The following ADGRL2 variants were observed in gnomAD, a reference collection of about 807,000 sequenced individuals.
ADGRL2 encodes the protein adhesion G protein-coupled receptor L2, also known as calcium-independent alpha-latrotoxin receptor 2.
ADGRL2 carries 44 observed loss-of-function variants against 157.4 expected under a neutral mutation model. That is an observed-to-expected ratio of 0.28 (90% CI 0.22 to 0.36). The LOEUF (loss-of-function observed/expected upper bound fraction) is 0.36. Ranked by LOEUF, ADGRL2 falls within the 10% of genes least tolerant of loss-of-function variation. The pLI, the probability that ADGRL2 is intolerant of heterozygous loss-of-function variation, is 1.00. For missense variants in ADGRL2, 1,510 were observed against 1,768.9 expected, an observed-to-expected ratio of 0.85 and a Z score of 2.63; for synonymous variants, 585 against 624.7, an observed-to-expected ratio of 0.94 and a Z score of 0.95.
intron 2 of ADGRL2, among the ~76,000 whole-genome samples, chr1:81,904,246 CAT>C (rs749780808): frequency 1.2e-4 from 19 of 152,064 alleles, no homozygotes; most frequent in South Asian, 2.1e-4. Flanking sequence ...CACTGTATCA[CAT>C]GTTAATAAGC....
chr1:81,977,608 G>A lies in ADGRL2; in HGVS notation c.3022-2261G>A, dbSNP rs370138033. 3.2e-4 allele frequency among the ~76,000 whole-genome samples: 48 copies of A among 151,708 alleles called. 2 individuals carry two copies. Among genetic ancestry groups the A allele is most frequent in the East Asian group, 2.7e-3 (14 of 5,152 alleles). On this transcript the variant is annotated intron_variant, in intron 17 of 23. Coordinates refer to ENST00000686636, the MANE Select transcript of ADGRL2 (RefSeq NM_001366006.2). Reference sequence around the variant, plus strand: ...CTTTTTGCAATATAATACTTTATATGTTCACATTTTTCCACATTCACATTT... The same window carrying A: ...CTTTTTGCAATATAATACTTTATATATTCACATTTTTCCACATTCACATTT...
chr1:81,653,728 T>C (rs568524574), intron 3 of ADGRL2, among the ~76,000 whole-genome samples: 2 of 152,344 alleles, frequency 1.3e-5, no homozygotes, highest in South Asian at 2.1e-4. Context: ...GTGTGCATGC[T>C]TGAAATATTT....
chr1:81,569,246 G>A (rs1285286797), intron 2 of ADGRL2, among the ~76,000 whole-genome samples: 1 of 152,022 alleles, frequency 6.6e-6, no homozygotes, highest in Non-Finnish European at 1.5e-5. Flanking sequence ...CTGTGAGACA[G>A]AGAGAATTTT....
chr1:81,774,012 C>A (rs2149355889), intron 2 of ADGRL2, among the ~76,000 whole-genome samples: 1 of 152,274 alleles, frequency 6.6e-6, no homozygotes, highest in East Asian at 1.9e-4. Context: ...CATCTACAAG[C>A]CAAGGAGAGA....
chr1:81,715,183 T>A (rs2149096471), intron 1 of ADGRL2, among the ~76,000 whole-genome samples: 1 of 148,908 alleles, frequency 6.7e-6, no homozygotes, highest in South Asian at 2.1e-4. Context: ...TAGTAAATTT[T>A]TTTTTTTTTT....
intron 3 of ADGRL2, among the ~76,000 whole-genome samples, chr1:81,660,104 G>A (rs2082621934): frequency 6.6e-6 from 1 of 152,040 alleles, no homozygotes; most frequent in South Asian, 2.1e-4. Flanking sequence ...TAATGAACTG[G>A]GTGTATTCTA....
chr1:81,484,544 G>T (rs2078459080), intron 2 of ADGRL2, among the ~76,000 whole-genome samples: 1 of 152,204 alleles, frequency 6.6e-6, no homozygotes, highest in Admixed American at 6.5e-5. Flanking sequence ...ACCAGTAGCA[G>T]AAAGGGCCAC....
intron 1 of ADGRL2, among the ~76,000 whole-genome samples, chr1:81,817,152 C>CT (rs1444993206): frequency 6.6e-6 from 1 of 151,768 alleles, no homozygotes; most frequent in East Asian, 1.9e-4. Context: ...TTCTGTATGT[C>CT]TAAGTATTTT....
intron 1 of ADGRL2, among the ~76,000 whole-genome samples, chr1:81,710,952 A>T (rs2083907521): frequency 1.3e-5 from 2 of 152,110 alleles, no homozygotes; most frequent in Admixed American, 1.3e-4. Flanking sequence ...TACATTTTGG[A>T]TAGATCTTTA....
intron 1 of ADGRL2, among the ~76,000 whole-genome samples, chr1:81,329,732 T>A (rs1008618210): frequency 3.3e-5 from 5 of 152,208 alleles, no homozygotes; most frequent in African/African-American, 4.8e-5. Context: ...TTTTCACTTG[T>A]GAAACTTTGA....
chr1:81,685,349 G>A (rs373181709), intron 3 of ADGRL2, among the ~76,000 whole-genome samples: 11 of 151,546 alleles, frequency 7.3e-5, no homozygotes, highest in South Asian at 6.3e-4. Flanking sequence ...GAGGTCTTTC[G>A]ACTCCTTTGT....
intron 1 of ADGRL2, among the ~76,000 whole-genome samples, chr1:81,827,203 T>C (rs2091565684): frequency 6.6e-6 from 1 of 152,210 alleles, no homozygotes; most frequent in African/African-American, 2.4e-5. Context: ...TTTAGCATTA[T>C]ACAAGAAACT....
At chr1:81,428,326 T>C (rs1026235288) in intron 1 of ADGRL2, among the ~76,000 whole-genome samples, 5 of 147,984 alleles carry the variant, frequency 3.4e-5, no homozygotes, top group Admixed American at 2.7e-4. Flanking sequence ...AAAAAAAATA[T>C]CTCAAAATTA....
chr1:81,365,624 C>A (rs1557631027), intron 1 of ADGRL2, among the ~76,000 whole-genome samples: 2 of 152,136 alleles, frequency 1.3e-5, no homozygotes, highest in Non-Finnish European at 1.5e-5. Flanking sequence ...CACTGATTTA[C>A]CTAATAATAT....
intron 3 of ADGRL2, among the ~76,000 whole-genome samples, chr1:81,923,584 A>G (rs1209940914): frequency 1.3e-5 from 2 of 151,994 alleles, no homozygotes; most frequent in African/African-American, 2.4e-5. Flanking sequence ...ATAGTTTGGT[A>G]AACATCTACA....
rs763939767 is a variant in ADGRL2 at position 81,984,832 on chromosome 1, C to CT, written c.3411+127dup. ...TAATGATCTAGATAGCAAATACTTG[C>CT]TTTTTTAGTATTTTGGTTTCAATGT... On this transcript the variant is annotated intron_variant, in intron 20 of 23. Coordinates refer to ENST00000686636, the MANE Select transcript of ADGRL2 (RefSeq NM_001366006.2). 134 of 1,125,876 alleles carry CT rather than the reference C, an allele frequency of 1.2e-4. No homozygotes were observed. The Middle Eastern group carries it at 2.0e-3, about 17-fold the overall frequency. 69.7% of individuals were successfully genotyped at this position (1,125,876 alleles called of 1,614,324 possible). A position where few individuals can be genotyped will look rare whatever the true frequency, so the allele number is the denominator to read the frequency against.
rs1310034801 is a variant in ADGRL2 at position 81,950,455 on chromosome 1, G to C, written c.1477G>C (p.Glu493Gln). The C allele has an allele frequency of 1.9e-6, 3 of 1,613,782 alleles. No individual in the cohort carries two copies. Among genetic ancestry groups the C allele is most frequent in the South Asian group, 1.1e-5 (1 of 91,076 alleles). The change falls in exon 7 of 24, where the codon GAA becomes CAA. Residue 493 changes from glutamate to glutamine, a missense_variant. Around this residue, in one of 4 missense-constraint regions of ADGRL2, gnomAD observed 325 missense variants for 333.2 expected, o/e 0.98. Transcript: ENST00000686636. ...WPQTQRGMMV[E>Q]RPCPKGTRGT... ...TCAGACACAAAGGGGAATGATGGTT[G>C]AACGACCATGCCCTAAGGGAACAAG...
At chr1:81,950,933 G>A (rs182280132) in intron 7 of ADGRL2, 85 bp from the exon 8 acceptor site, 30 of 828,668 alleles carry the variant, frequency 3.6e-5, no homozygotes, top group African/African-American at 2.2e-4. Flanking sequence ...AATTTAACAC[G>A]CAGAGCAGGA....
rs71085375 is a variant in ADGRL2, at chr1:81,825,657, C to CAAAA, written c.-100-11211_-100-11208dup. Reference sequence around the variant, plus strand: ...ACCGCACCTGGCCAGACCCTGTCTCCAAAAAAAAAAAAAAAAAAAAGACAT... The same window carrying CAAAA: ...ACCGCACCTGGCCAGACCCTGTCTCCAAAAAAAAAAAAAAAAAAAAAAAAGACAT... On this transcript the variant is annotated intron_variant, in intron 1 of 23. Coordinates refer to ENST00000686636, the MANE Select transcript of ADGRL2 (RefSeq NM_001366006.2). Among the ~76,000 whole-genome samples the CAAAA allele has an allele frequency of 4.1e-3, 358 of 86,614 alleles. 7 individuals carry two copies. The highest frequency in any genetic ancestry group is 5.3e-3 in the African/African-American group (130 of 24,472). The allele number at this position is 86,614 out of a possible 152,430, so 56.8% of individuals were successfully genotyped here. A position where few individuals can be genotyped will look rare whatever the true frequency, so the allele number is the denominator to read the frequency against.
Sources: gnomAD v4.1 joint callset for allele counts (sites outside exome capture counted in the v4.1 genomes callset) on GRCh38, gnomAD v4.1.1 for gene constraint, gnomAD v4.1.1 regional missense constraint, MANE v1.5 for transcripts, NCBI Gene and HGNC (gene_info 2026-07-23, HGNC 2026-07-21) for gene names.